ZMIZ1: variants seen among roughly 807,000 people sequenced by gnomAD.
The protein encoded by ZMIZ1 is zinc finger MIZ-type containing 1.
Under a neutral mutation model 113.9 loss-of-function variants are expected in ZMIZ1, and 17 were observed. That is an observed-to-expected ratio of 0.15 (90% CI 0.10 to 0.22). The LOEUF (loss-of-function observed/expected upper bound fraction) is 0.22. Ranked by LOEUF, ZMIZ1 falls within the 10% of genes least tolerant of loss-of-function variation. ZMIZ1 has a pLI of 1.00. For missense variants in ZMIZ1, 1,059 were observed against 1,477.8 expected (o/e 0.72, Z 4.65); for synonymous variants, 607 against 603.1 (o/e 1.01, Z -0.09).
rs779093392 is a variant in ZMIZ1 at position 79,277,137 on chromosome 10, G to A, written c.281-44G>A. 6.3e-5 allele frequency: 92 copies of A among 1,464,774 alleles called. No individual in the cohort carries two copies. In the East Asian group the frequency reaches 2.4e-3, roughly 39 times the overall value. The allele number at this position is 1,464,774 out of a possible 1,614,324, so 90.7% of individuals were successfully genotyped here. ...TGGGGGGGGGTCTTGGTGTGGCAGAGCATGATGAACAAGCACCCACTGACT... is the reference window on the plus strand; with the variant it reads ...TGGGGGGGGGTCTTGGTGTGGCAGAACATGATGAACAAGCACCCACTGACT... On this transcript the variant is annotated intron_variant, in intron 7 of 24. Transcript: ENST00000334512.
chr10:79,302,861 GT>G (rs34181232), intron 18 of ZMIZ1, among the ~76,000 whole-genome samples: 102 of 116,004 alleles, frequency 8.8e-4, no homozygotes, highest in Middle Eastern at 4.6e-3. Flanking sequence ...GCCCAGCTAA[GT>G]TTTTTTTTTT....
At position 79,293,621 on chromosome 10, in the gene ZMIZ1, A is replaced by G. The variant is rs1204395112; in HGVS notation, c.1198A>G (p.Ile400Val). 7 of 1,612,930 alleles carry G rather than the reference A, an allele frequency of 4.3e-6. No homozygotes were observed. The highest frequency in any genetic ancestry group is 2.5e-6 in the Non-Finnish European group (3 of 1,180,002). The change falls in exon 12 of 25, where the codon ATT (isoleucine) becomes GTT (valine). Residue 400 changes from isoleucine to valine, a missense_variant. Ile to Val is a conservative substitution (Grantham distance 29, BLOSUM62 3). Transcript: ENST00000334512. ...GGGCCCCCGGCCCCAGTCCCTTCCT[A>G]TTCAGAACATAAAGAGGCCATACCC... ...YPGPRPQSLP[I>V]QNIKRPYPGE...
At chr10:79,109,954 T>G (rs558233864) in intron 1 of ZMIZ1, among the ~76,000 whole-genome samples, 1 of 152,210 alleles carries the variant, frequency 6.6e-6, no homozygotes, top group South Asian at 2.1e-4. Context: ...TCATGGAGTG[T>G]TTTGAAGGTC....
intron 4 of ZMIZ1, among the ~76,000 whole-genome samples, chr10:79,164,124 A>T (rs1846221397): frequency 6.6e-6 from 1 of 152,154 alleles, no homozygotes; most frequent in Non-Finnish European, 1.5e-5. Flanking sequence ...GGTGTCCTAG[A>T]CACGGCTGGG....
At chr10:79,255,643 C>T (rs1041118654) in intron 7 of ZMIZ1, among the ~76,000 whole-genome samples, 2 of 152,156 alleles carry the variant, frequency 1.3e-5, no homozygotes, top group Non-Finnish European at 2.9e-5. Flanking sequence ...ATCTCTGTCT[C>T]TGCATTCTGA....
intron 7 of ZMIZ1, among the ~76,000 whole-genome samples, chr10:79,233,673 T>C (rs1849482461): frequency 6.6e-6 from 1 of 150,690 alleles, no homozygotes; most frequent in South Asian, 2.1e-4. Context: ...TTTCCCCTCC[T>C]GGAGAGCGTC....
In ZMIZ1 at chr10:79,298,587, G is replaced by A; in HGVS notation, c.1666+7G>A. On this transcript the variant is annotated splice_region_variant and intron_variant, in intron 15 of 24. Coordinates refer to ENST00000334512, the MANE Select transcript of ZMIZ1 (RefSeq NM_020338.4). ...GCTCTGCCACCACCCCCAGGTGAGGGCCCTCCCTCCCTCTCTTGGCAGCTC... is the reference window on the plus strand; with the variant it reads ...GCTCTGCCACCACCCCCAGGTGAGGACCCTCCCTCCCTCTCTTGGCAGCTC... 1 of 1,591,450 alleles carries A rather than the reference G, an allele frequency of 6.3e-7. No homozygotes were observed. Among genetic ancestry groups the A allele is most frequent in the Admixed American group, 1.8e-5 (1 of 54,092 alleles).
At chr10:79,253,640 G>A (rs1359506083) in intron 7 of ZMIZ1, among the ~76,000 whole-genome samples, 3 of 152,192 alleles carry the variant, frequency 2.0e-5, no homozygotes, top group Admixed American at 2.0e-4. Flanking sequence ...TACCTTCCAA[G>A]TCCGAGGCTT....
intron 9 of ZMIZ1, 33 bp downstream of exon 9, chr10:79,289,922 T>C (rs865847440): frequency 6.3e-7 from 1 of 1,597,470 alleles, no homozygotes; most frequent in Middle Eastern, 1.7e-4. Context: ...GCCACAGCTC[T>C]TTCTAGGCGG....
rs1050047103 is a variant in ZMIZ1 at position 79,314,168 on chromosome 10, T to TACC, written c.*1422_*1424dup. The TACC allele has an allele frequency of 6.6e-6, 3 of 456,946 alleles. No individual in the cohort carries two copies. Among genetic ancestry groups the TACC allele is most frequent in the Non-Finnish European group, 1.3e-5 (3 of 227,008 alleles). The allele number at this position is 456,946 out of a possible 1,614,324, so 28.3% of individuals were successfully genotyped here. A position where few individuals can be genotyped will look rare whatever the true frequency, so the allele number is the denominator to read the frequency against. ...CTCCACCGCTTTGCTCCATCTGGCT[T>TACC]ACCACTCTCCAGGGCCTCCTGGGGA... On this transcript the variant is annotated 3_prime_UTR_variant, in exon 25 of 25. Coordinates refer to ENST00000334512, the MANE Select transcript of ZMIZ1 (RefSeq NM_020338.4).
intron 3 of ZMIZ1, 75 bp downstream of exon 3, chr10:79,139,852 C>A (rs1014041491): frequency 2.5e-6 from 1 of 398,558 alleles, no homozygotes; most frequent in African/African-American, 2.1e-5. Flanking sequence ...CCCTAGCAGC[C>A]CAGAAGTGCT....
intron 1 of ZMIZ1, among the ~76,000 whole-genome samples, chr10:79,089,643 G>A (rs1026408606): frequency 6.6e-6 from 1 of 152,122 alleles, no homozygotes; most frequent in African/African-American, 2.4e-5. Flanking sequence ...CAAAATCCCA[G>A]GGAGGATGTG....
intron 9 of ZMIZ1, 23 bp downstream of exon 9, chr10:79,289,912 G>GCC: frequency 6.2e-7 from 1 of 1,605,434 alleles, no homozygotes. Context: ...ACTGCCCTCA[G>GCC]CCACAGCTCT....
chr10:79,260,457 G>C (rs536110156), intron 7 of ZMIZ1, among the ~76,000 whole-genome samples: 1 of 152,176 alleles, frequency 6.6e-6, no homozygotes, highest in South Asian at 2.1e-4. Flanking sequence ...AGTGAATCAC[G>C]TGGCTGTCCA....
chr10:79,289,530 G>A lies in ZMIZ1; in HGVS notation c.426-245G>A, dbSNP rs375209179. ...ACTCGGGGATACAGGGAGACACACAGCCATGGAAGTAGCTCTCTGCAGTGA... is the reference window on the plus strand; with the variant it reads ...ACTCGGGGATACAGGGAGACACACAACCATGGAAGTAGCTCTCTGCAGTGA... On this transcript the variant is annotated intron_variant, in intron 8 of 24. Coordinates refer to ENST00000334512, the MANE Select transcript of ZMIZ1 (RefSeq NM_020338.4). Among the ~76,000 whole-genome samples the A allele has an allele frequency of 1.3e-4, 20 of 152,338 alleles. No individual in the cohort carries two copies. In the East Asian group the frequency reaches 3.5e-3, roughly 26 times the overall value.
rs116727654 is a variant in ZMIZ1, at chr10:79,234,701, G to A, written c.280+18427G>A. 7.1e-3 allele frequency among the ~76,000 whole-genome samples: 1,087 copies of A among 152,298 alleles called. 12 individuals carry two copies. The highest frequency in any genetic ancestry group is 0.025 in the African/African-American group (1,028 of 41,574). On this transcript the variant is annotated intron_variant, in intron 7 of 24. Coordinates refer to ENST00000334512, the MANE Select transcript of ZMIZ1 (RefSeq NM_020338.4). ...GAGGGCCTGCCACCTTGGAACCAGC[G>A]TCTTTGCCTTGACAAAATGATGTGT...
intron 1 of ZMIZ1, among the ~76,000 whole-genome samples, chr10:79,109,437 G>C (rs963827288): frequency 6.6e-6 from 1 of 152,216 alleles, no homozygotes; most frequent in African/African-American, 2.4e-5. Context: ...CTCTGTCATC[G>C]TAAATGAGTA....
chr10:79,175,400 C>T (rs749354508), intron 4 of ZMIZ1, among the ~76,000 whole-genome samples: 119 of 152,292 alleles, frequency 7.8e-4, no homozygotes, highest in Non-Finnish European at 1.4e-3. Flanking sequence ...GCTCCTTGCT[C>T]ACCCATTTTT....
rs1320945704 is a variant in ZMIZ1, at chr10:79,297,314, A to G, written c.1414-299A>G. The stretch of plus-strand genomic sequence containing the variant: ...TTTATTATTTTACATTTATTTGCCA[A>G]AAATCATGCTAATTTATTATGGCCA... On this transcript the variant is annotated intron_variant, in intron 13 of 24. Transcript: ENST00000334512. Among the ~76,000 whole-genome samples, 4 of 152,340 alleles carry G rather than the reference A, an allele frequency of 2.6e-5. No homozygotes were observed. In the East Asian group the frequency reaches 5.8e-4, roughly 22 times the overall value.
Sources: gnomAD v4.1 joint callset for allele counts (sites outside exome capture counted in the v4.1 genomes callset) on GRCh38, gnomAD v4.1.1 for gene constraint, MANE v1.5 for transcripts, NCBI Gene and HGNC (gene_info 2026-07-23, HGNC 2026-07-21) for gene names.